DOCK4: variants seen among roughly 807,000 people sequenced by gnomAD.
DOCK4 encodes the protein dedicator of cytokinesis 4.
A neutral mutation model predicts 268.1 loss-of-function variants in DOCK4; 97 were observed. The observed-to-expected ratio is 0.36, with a 90% CI of 0.31 to 0.43. The LOEUF (loss-of-function observed/expected upper bound fraction) is 0.43. DOCK4 is among the 20% of genes least tolerant of loss of function. DOCK4 has a pLI of 1.00. For missense variants in DOCK4, 2,145 were observed against 2,455.7 expected, an observed-to-expected ratio of 0.87 and a Z score of 2.67; for synonymous variants, 954 against 887.2, an observed-to-expected ratio of 1.08 and a Z score of -1.34.
chr7:112,199,546 GT>G (rs1820738932), intron 1 of DOCK4, among the ~76,000 whole-genome samples: 1 of 152,084 alleles, frequency 6.6e-6, no homozygotes, highest in African/African-American at 2.4e-5. Context: ...GTAAGTTTAA[GT>G]TGCTTAAATG....
chr7:112,051,824 T>C (rs1805384004), intron 1 of DOCK4, among the ~76,000 whole-genome samples: 1 of 152,078 alleles, frequency 6.6e-6, no homozygotes, highest in African/African-American at 2.4e-5. Flanking sequence ...CCAAAGACTA[T>C]TCCAATTTAT....
intron 1 of DOCK4, among the ~76,000 whole-genome samples, chr7:112,109,069 T>C (rs1166482530): frequency 6.6e-6 from 1 of 152,152 alleles, no homozygotes; most frequent in East Asian, 1.9e-4. Context: ...TTTGCCTCTC[T>C]TGATGGATTT....
intron 41 of DOCK4, among the ~76,000 whole-genome samples, chr7:111,756,646 A>G (rs1797040220): frequency 6.6e-6 from 1 of 152,110 alleles, no homozygotes; most frequent in Non-Finnish European, 1.5e-5. Context: ...TTTTTTGTCA[A>G]CCAGGTTTTA....
chr7:112,018,057 C>T (rs1284158146), intron 1 of DOCK4, among the ~76,000 whole-genome samples: 4 of 140,386 alleles, frequency 2.8e-5, no homozygotes, highest in African/African-American at 5.3e-5. Flanking sequence ...GGCATGGTGG[C>T]GGGCACCTGT....
chr7:112,076,763 C>T lies in DOCK4; in HGVS notation c.38-72632G>A, dbSNP rs191209404. ...TCATTTAAAATTGAAATTCAGCTTA[C>T]AACCAATTTGTCATATGTCTTATTT... On this transcript the variant is annotated intron_variant, in intron 1 of 52. Transcript: ENST00000428084. Among the ~76,000 whole-genome samples the T allele has an allele frequency of 5.7e-4, 86 of 152,200 alleles. No individual in the cohort carries two copies. The East Asian group carries it at 0.013, about 24-fold the overall frequency.
chr7:112,010,980 T>C (rs565914959), intron 1 of DOCK4, among the ~76,000 whole-genome samples: 110 of 152,272 alleles, frequency 7.2e-4, no homozygotes, highest in African/African-American at 2.4e-3. Flanking sequence ...GATCCTTCTT[T>C]GGAAATCAAT....
chr7:111,932,396 C>T (rs925269389), intron 12 of DOCK4, among the ~76,000 whole-genome samples: 12 of 151,958 alleles, frequency 7.9e-5, no homozygotes, highest in Non-Finnish European at 1.6e-4. Context: ...GGTAACAGGA[C>T]GCATAGGGAG....
chr7:111,873,975 G>A (rs1806637541), intron 17 of DOCK4, among the ~76,000 whole-genome samples: 1 of 152,054 alleles, frequency 6.6e-6, no homozygotes, highest in Admixed American at 6.6e-5. Flanking sequence ...GACATCCTGG[G>A]GTATGACTGA....
chr7:112,137,619 A>G (rs370690850), intron 1 of DOCK4, among the ~76,000 whole-genome samples: 10 of 152,372 alleles, frequency 6.6e-5, no homozygotes, highest in African/African-American at 2.4e-4. Context: ...TTTTATAGCC[A>G]GTGGTATCTC....
intron 30 of DOCK4, among the ~76,000 whole-genome samples, chr7:111,791,194 A>T (rs1350115422): frequency 1.9e-4 from 28 of 147,506 alleles, no homozygotes; most frequent in Non-Finnish European, 3.0e-5. Context: ...AAGAAAGATA[A>T]CATAGGTGAA....
chr7:112,071,404 A>C (rs1248081827), intron 1 of DOCK4, among the ~76,000 whole-genome samples: 1 of 152,228 alleles, frequency 6.6e-6, no homozygotes, highest in African/African-American at 2.4e-5. Flanking sequence ...AGACCCAATC[A>C]ATACTGACCG....
intron 16 of DOCK4, among the ~76,000 whole-genome samples, chr7:111,884,227 A>G (rs1004843045): frequency 1.3e-5 from 2 of 152,180 alleles, no homozygotes; most frequent in African/African-American, 4.8e-5. Flanking sequence ...TTTTAAGGCA[A>G]TCCAAGCAAC....
At chr7:111,805,965 T>A (rs1471382233) in intron 30 of DOCK4, among the ~76,000 whole-genome samples, 3 of 152,212 alleles carry the variant, frequency 2.0e-5, no homozygotes, top group East Asian at 1.9e-4. Context: ...CATGATGATG[T>A]TGTCTTTGTC....
intron 1 of DOCK4, among the ~76,000 whole-genome samples, chr7:112,052,942 G>C: frequency 6.6e-6 from 1 of 152,132 alleles, no homozygotes; most frequent in South Asian, 2.1e-4. Context: ...TATGATTCCA[G>C]TTTGTAGTTC....
At chr7:112,037,479 C>T (rs1465463742) in intron 1 of DOCK4, among the ~76,000 whole-genome samples, 3 of 152,116 alleles carry the variant, frequency 2.0e-5, no homozygotes, top group Non-Finnish European at 2.9e-5. Flanking sequence ...TCATAGGCAA[C>T]CACTGTTCTG....
chr7:112,062,754 A>C (rs1806541856), intron 1 of DOCK4, among the ~76,000 whole-genome samples: 1 of 152,178 alleles, frequency 6.6e-6, no homozygotes, highest in Admixed American at 6.5e-5. Flanking sequence ...ATCTCGGCTC[A>C]CTGCAACCTC....
chr7:111,781,618 G>A (rs1267078894), intron 35 of DOCK4, among the ~76,000 whole-genome samples: 1 of 152,068 alleles, frequency 6.6e-6, no homozygotes, highest in Non-Finnish European at 1.5e-5. Flanking sequence ...TATTGGAGGT[G>A]GAGATGTAAC....
chr7:112,088,222 T>C (rs981768732), intron 1 of DOCK4, among the ~76,000 whole-genome samples: 13 of 152,124 alleles, frequency 8.5e-5, no homozygotes, highest in Admixed American at 7.2e-4. Flanking sequence ...GAAGTTTTAA[T>C]ACATGGTCAT....
chr7:111,737,580 A>G (rs766684936), intron 49 of DOCK4, among the ~76,000 whole-genome samples: 7 of 152,232 alleles, frequency 4.6e-5, no homozygotes, highest in Non-Finnish European at 1.0e-4. Context: ...AATATATGAA[A>G]TAATTGATAG....
Sources: allele counts gnomAD v4.1 joint callset (sites outside exome capture counted in the v4.1 genomes callset), GRCh38; gene constraint gnomAD v4.1.1; transcripts MANE v1.5; gene names NCBI Gene and HGNC (gene_info 2026-07-23, HGNC 2026-07-21).